PTCH2: variants seen among roughly 807,000 people sequenced by gnomAD.
PTCH2 encodes patched 2, also known as protein patched homolog 2.
In PTCH2, 96 loss-of-function variants were observed where a neutral mutation model predicts 117.9. That is an observed-to-expected ratio of 0.81 (90% CI 0.69 to 0.96). The LOEUF (loss-of-function observed/expected upper bound fraction) is 0.96. Ranked by LOEUF, PTCH2 falls within the 50% of genes least tolerant of loss-of-function variation. The pLI, the probability that PTCH2 is intolerant of heterozygous loss-of-function variation, is 0.00. For synonymous variants in PTCH2, 615 were observed against 660.9 expected (o/e 0.93, Z 1.06); for missense variants, 1,379 against 1,562.5 (o/e 0.88, Z 1.98).
downstream of PTCH2, chr1:44,821,801 A>T (rs1652923349): frequency 7.4e-7 from 1 of 1,348,746 alleles, no homozygotes; most frequent in African/African-American, 1.5e-5. Flanking sequence ...AAAAATCCAG[A>T]ATCTGGGGTC....
chr1:44,819,953 G>A (rs559156897), downstream of PTCH2: 260 of 153,508 alleles, frequency 1.7e-3, 1 homozygote, highest in Admixed American at 2.3e-3. Flanking sequence ...GAAATCTTTA[G>A]TAAAAGGCGA....
At chr1:44,841,823 C>T in intron 2 of PTCH2, 24 bp downstream of exon 2, 1 of 1,611,362 alleles carries the variant, frequency 6.2e-7, no homozygotes, top group Non-Finnish European at 8.5e-7. Flanking sequence ...ACCTGAGCAG[C>T]TATGGCCAGT....
Position 44,828,133 on chromosome 1 carries a change from G to A in PTCH2, c.1768C>T (p.Pro590Ser), listed in dbSNP as rs776592479. 1 of 1,613,824 alleles carries A rather than the reference G, an allele frequency of 6.2e-7. No homozygotes were observed. The highest frequency in any genetic ancestry group is 8.5e-7 in the Non-Finnish European group (1 of 1,180,050). ...LPQELGDGTV[P>S]VGIAHLTATV... is the part of the protein sequence containing the mutation. ...GCAGTGAGGTGGGCAATGCCCACTG[G>A]TACTGTCCCGTCCCCCAGCTCCTGG... The change falls in exon 14 of 22, where the codon CCA becomes TCA. Residue 590 changes from proline (P) to serine (S), a missense_variant. Physicochemically the swap from Pro to Ser is moderately conservative, Grantham distance 74. Transcript: ENST00000372192.
chr1:44,832,332 C>T lies in PTCH2; in HGVS notation c.275G>A (p.Arg92Gln), dbSNP rs778736481. Residue 92 changes from arginine (R) to glutamine (Q), a missense_variant, in exon 3 of 22, where the codon CGG (arginine) becomes CAG (glutamine). Physicochemically the swap from Arg to Gln is conservative, Grantham distance 43. Coordinates refer to ENST00000372192, the MANE Select transcript of PTCH2 (RefSeq NM_003738.5). ...GGTGTAATGCAGCTCCTGGCTCACCCGGCTGCCCACTGCCAGAGCAAACAG... is the reference window on the plus strand; with the variant it reads ...GGTGTAATGCAGCTCCTGGCTCACCTGGCTGCCCACTGCCAGAGCAAACAG... ...LEQLWVEVGS[R>Q]VSQELHYTKE... The T allele has an allele frequency of 2.9e-5, 47 of 1,614,112 alleles. No homozygotes were observed. The highest frequency in any genetic ancestry group is 8.8e-5 in the South Asian group (8 of 91,084).
rs749629403 is a variant in PTCH2, at chr1:44,827,931, G to A, written c.1970C>T (p.Ala657Val). The change falls in exon 14 of 22, where the codon GCC becomes GTC. Residue 657 changes from alanine (A) to valine (V), a missense_variant. By Grantham distance (64) the Ala-to-Val change is moderately conservative. Transcript: ENST00000372192. Reference protein sequence around the residue: ...GQEEETRQKAACKSLPCARWN... With the variant: ...GQEEETRQKAVCKSLPCARWN... ...GCGGGCACAGGGCAGGGACTTGCAG[G>A]CTGCCTTCTGCCTTGTCTCCTCCTC... is the stretch of plus-strand genomic sequence containing the variant. 6.2e-7 allele frequency: 1 copy of A among 1,614,206 alleles called. No individual in the cohort carries two copies.
At position 44,828,297 on chromosome 1, in the gene PTCH2, T is replaced by A; in HGVS notation, c.1708A>T (p.Ser570Cys). Reference sequence around the variant, plus strand: ...AAGGGGCTGGGGCGCAGGCAGTACCTGGAGAAGCAGCAGAGCACATCAAGG... The same window carrying A: ...AAGGGGCTGGGGCGCAGGCAGTACCAGGAGAAGCAGCAGAGCACATCAAGG... ...QRLDVLCCFS[S>C]PCSAQVIQIL... Residue 570 changes from serine to cysteine, a missense_variant and splice_region_variant, in exon 13 of 22, where the codon AGT becomes TGT. Transcript: ENST00000372192. The A allele has an allele frequency of 6.2e-7, 1 of 1,613,838 alleles. No homozygotes were observed. The highest frequency in any genetic ancestry group is 8.5e-7 in the Non-Finnish European group (1 of 1,179,850).
intron 13 of PTCH2, 27 bp from the exon 14 acceptor site, chr1:44,828,218 G>A (rs978832990): frequency 3.1e-6 from 5 of 1,613,078 alleles, no homozygotes; most frequent in Non-Finnish European, 4.2e-6. Context: ...GTGGATGACA[G>A]GTCTGTGCCT....
At position 44,829,979 on chromosome 1, in the gene PTCH2, T is replaced by C. The variant is rs766393257; in HGVS notation, c.865A>G (p.Lys289Glu). ...LSGGCHGFSHKFMHWQEELLL... is the reference protein window; with the variant it reads ...LSGGCHGFSHEFMHWQEELLL... ...AATTCCTCCTGCCAGTGCATGAATTTGTGGGAGAAGCCATGGCAGCCCCCA... is the reference window on the plus strand; with the variant it reads ...AATTCCTCCTGCCAGTGCATGAATTCGTGGGAGAAGCCATGGCAGCCCCCA... Residue 289 changes from lysine to glutamate, a missense_variant, in exon 7 of 22, where the codon AAA becomes GAA. Physicochemically the swap from Lys to Glu is moderately conservative, Grantham distance 56 (BLOSUM62 1). Coordinates refer to ENST00000372192, the MANE Select transcript of PTCH2 (RefSeq NM_003738.5). The C allele has an allele frequency of 5.5e-5, 88 of 1,614,026 alleles. No homozygotes were observed. The highest frequency in any genetic ancestry group is 7.1e-5 in the Non-Finnish European group (84 of 1,180,030).
At chr1:44,819,861 A>C (rs1030796252), downstream of PTCH2, 1 of 152,860 alleles carries the variant, frequency 6.5e-6, no homozygotes, top group Non-Finnish European at 1.5e-5. Context: ...GTAGTTGCCT[A>C]ACTTTTAATA....
At position 44,822,594 on chromosome 1, in the gene PTCH2, C is replaced by A. The variant is rs1256008544; in HGVS notation, c.3433G>T (p.Ala1145Ser). 2 of 1,613,804 alleles carry A rather than the reference C, an allele frequency of 1.2e-6. No homozygotes were observed. The highest frequency in any genetic ancestry group is 1.7e-5 in the Admixed American group (1 of 59,986). Residue 1145 changes from alanine (A) to serine (S), a missense_variant, in exon 22 of 22, where the codon GCA (alanine) becomes TCA (serine). Coordinates refer to ENST00000372192, the MANE Select transcript of PTCH2 (RefSeq NM_003738.5). The part of the protein sequence containing the change: ...APQGGGLRWG[A>S]SSSLPQSFAR... ...AAGCTCTGGGGCAGGGAGGAGGATGCCCCCCACCTAAGCCCGCCTCCCTGT... is the reference window on the plus strand; with the variant it reads ...AAGCTCTGGGGCAGGGAGGAGGATGACCCCCACCTAAGCCCGCCTCCCTGT...
In PTCH2 at chr1:44,823,196, C is replaced by T. The variant is rs1465610723; in HGVS notation, c.3258-28G>A. ...AGGGGTAGGGTGTGGGGGGAGTCAG[C>T]CCAGGCCTGTCCTGAGCCCTGCCTC... On this transcript the variant is annotated intron_variant, in intron 20 of 21. Transcript: ENST00000372192. This position sits in a 1 kb window ranked among gnomAD's most constrained non-coding sequence, Gnocchi z 5.1. 4 of 1,614,112 alleles carry T rather than the reference C, an allele frequency of 2.5e-6. No homozygotes were observed. The Admixed American group carries it at 6.7e-5, about 27-fold the overall frequency.
downstream of PTCH2, among the ~76,000 whole-genome samples, chr1:44,821,556 G>A (rs186402708): frequency 3.3e-3 from 497 of 152,286 alleles, 7 homozygotes; most frequent in Non-Finnish European, 1.8e-3. Flanking sequence ...TCCACCTGCT[G>A]CATGGCTTTG....
At chr1:44,842,107 C>A in intron 1 of PTCH2, 68 bp from the exon 2 acceptor site, 1 of 1,434,298 alleles carries the variant, frequency 7.0e-7, no homozygotes, top group South Asian at 1.2e-5. Flanking sequence ...CCCTTCTCAC[C>A]CTGTATATCT....
In PTCH2 at chr1:44,831,038, C is replaced by G. The variant is rs768496761; in HGVS notation, c.623G>C (p.Arg208Pro). The change falls in exon 6 of 22, where the codon CGC becomes CCC. Residue 208 changes from arginine (R) to proline (P), a missense_variant. Physicochemically the swap from Arg to Pro is moderately radical, Grantham distance 103. Coordinates refer to ENST00000372192, the MANE Select transcript of PTCH2 (RefSeq NM_003738.5). This position sits in a 1 kb window ranked among gnomAD's most constrained non-coding sequence, Gnocchi z 4.3. ...CAGGTTGGTCCACTGGATATCCGGG[C>G]GGCCGCTGAGGGAAAAGCCTATAGT... is the stretch of plus-strand genomic sequence containing the variant. ...LQGGSAYLPG[R>P]PDIQWTNLDP... The G allele has an allele frequency of 6.2e-7, 1 of 1,610,772 alleles. No individual in the cohort carries two copies. Among genetic ancestry groups the G allele is most frequent in the South Asian group, 1.1e-5 (1 of 90,870 alleles).
rs373848645 is a variant in PTCH2 at position 44,831,034 on chromosome 1, C to T, written c.627G>A (p.Pro209=). Residue 209 remains proline (P), a synonymous_variant, in exon 6 of 22, where the codon CCG becomes CCA. Transcript: ENST00000372192. This position sits in a 1 kb window ranked among gnomAD's most constrained non-coding sequence, Gnocchi z 4.3. Reference sequence around the variant, plus strand: ...GATCCAGGTTGGTCCACTGGATATCCGGGCGGCCGCTGAGGGAAAAGCCTA... The same window carrying T: ...GATCCAGGTTGGTCCACTGGATATCTGGGCGGCCGCTGAGGGAAAAGCCTA... ...QGGSAYLPGR[P]DIQWTNLDPE... is the part of the protein sequence containing the mutation. The T allele has an allele frequency of 5.9e-5, 95 of 1,610,928 alleles. No individual in the cohort carries two copies. The highest frequency in any genetic ancestry group is 2.2e-4 in the Admixed American group (13 of 59,930).
chr1:44,830,758 A>G (rs1041353610), intron 6 of PTCH2, 90 bp downstream of exon 6: 2 of 1,339,406 alleles, frequency 1.5e-6, no homozygotes, highest in Non-Finnish European at 2.0e-6. Flanking sequence ...GTCAGGGCAC[A>G]GAGCAGTCAG....
chr1:44,820,130 C>A (rs1355902533), downstream of PTCH2: 3 of 344,622 alleles, frequency 8.7e-6, no homozygotes, highest in African/African-American at 2.1e-5. Flanking sequence ...GCATCATGCT[C>A]TAAAACAGTG....
intron 2 of PTCH2, among the ~76,000 whole-genome samples, chr1:44,840,546 A>T (rs1034226282): frequency 1.1e-4 from 16 of 151,594 alleles, no homozygotes; most frequent in Non-Finnish European, 2.1e-4. Context: ...CCTGGTCTCT[A>T]CTAATAATAC....
Position 44,826,233 on chromosome 1 carries a change from G to T in PTCH2, c.3114+17C>A, listed in dbSNP as rs199995735. ...TGAATCAGCTGATTGGTCCCTCCCC[G>T]GGGTGCCCGTGCTCACCAGAGCCAC... On this transcript the variant is annotated intron_variant, in intron 19 of 21. Coordinates refer to ENST00000372192, the MANE Select transcript of PTCH2 (RefSeq NM_003738.5). This position sits in a 1 kb window ranked among gnomAD's most constrained non-coding sequence, Gnocchi z 5.1. The T allele has an allele frequency of 1.9e-6, 3 of 1,613,156 alleles. No individual in the cohort carries two copies. The African/African-American group carries it at 4.0e-5, about 22-fold the overall frequency.
Sources: gnomAD v4.1 joint callset for allele counts (sites outside exome capture counted in the v4.1 genomes callset) on GRCh38, gnomAD v4.1.1 for gene constraint, Gnocchi (gnomAD v3.1) non-coding constraint, MANE v1.5 for transcripts, NCBI Gene and HGNC (gene_info 2026-07-23, HGNC 2026-07-21) for gene names.